Variants in SMURF2 observed in about 807,000 individuals in gnomAD.
The protein encoded by SMURF2 is E3 ubiquitin-protein ligase SMURF2.
In SMURF2, 48 loss-of-function variants were observed where a neutral mutation model predicts 109.6. That is an observed-to-expected ratio of 0.44 (90% CI 0.35 to 0.56). The LOEUF is 0.56. Ranked by LOEUF, SMURF2 falls within the 20% of genes least tolerant of loss-of-function variation. The pLI is 0.01. For missense variants in SMURF2, 575 were observed against 909.0 expected (o/e 0.63, Z 4.72); for synonymous variants, 288 against 317.1 (o/e 0.91, Z 0.97).
intron 1 of SMURF2, among the ~76,000 whole-genome samples, chr17:64,654,596 G>T (rs866210162): frequency 6.6e-6 from 1 of 152,062 alleles, no homozygotes; most frequent in Non-Finnish European, 1.5e-5. Context: ...TTGGGAGGCC[G>T]AGGCAAGCGG....
chr17:64,631,060 G>C (rs79223635), intron 1 of SMURF2, among the ~76,000 whole-genome samples: 3,550 of 151,736 alleles, frequency 0.023, 154 homozygotes, highest in African/African-American at 0.082. Context: ...CCAGCACTCT[G>C]GGAGGCCAAC....
chr17:64,558,567 T>C (rs1021460949), intron 12 of SMURF2, among the ~76,000 whole-genome samples: 5 of 152,228 alleles, frequency 3.3e-5, no homozygotes, highest in African/African-American at 1.2e-4. Context: ...ATTCACTGTA[T>C]AAACCCTGAA....
intron 1 of SMURF2, among the ~76,000 whole-genome samples, chr17:64,637,859 C>T (rs527679349): frequency 1.0e-4 from 15 of 148,486 alleles, no homozygotes; most frequent in African/African-American, 3.0e-4. Context: ...CCACAGAACC[C>T]GGTCCCAATG....
chr17:64,613,979 G>C (rs553011526), intron 1 of SMURF2, among the ~76,000 whole-genome samples: 3 of 152,074 alleles, frequency 2.0e-5, no homozygotes, highest in African/African-American at 4.8e-5. Flanking sequence ...TTCTTATAAG[G>C]AGGGGCAACC....
In SMURF2 at chr17:64,547,487, G is replaced by T; in HGVS notation, c.2071+113C>A. On this transcript the variant is annotated intron_variant, in intron 17 of 18. Coordinates refer to ENST00000262435, the MANE Select transcript of SMURF2 (RefSeq NM_022739.4). This position sits in a 1 kb window ranked among gnomAD's most constrained non-coding sequence, Gnocchi z 4.2. ...ATCACAATGTGAGAGTCACAGATAA[G>T]AAGTGAAAAAGAGAATCTCTAAGCA... The T allele has an allele frequency of 1.2e-6, 1 of 841,666 alleles. No homozygotes were observed. 52.1% of individuals were successfully genotyped at this position (841,666 alleles called of 1,614,324 possible).
At chr17:64,557,856 A>G in intron 12 of SMURF2, 134 bp from the exon 13 acceptor site, 2 of 543,110 alleles carry the variant, frequency 3.7e-6, no homozygotes, top group East Asian at 3.0e-5. Flanking sequence ...CTACAGTTAT[A>G]TAAGATCACA....
At chr17:64,617,779 A>T (rs1172763386) in intron 1 of SMURF2, among the ~76,000 whole-genome samples, 1 of 152,160 alleles carries the variant, frequency 6.6e-6, no homozygotes, top group Non-Finnish European at 1.5e-5. Context: ...TCAGTTAACA[A>T]ATTTAAAATG....
chr17:64,546,617 C>T (rs1220422165), intron 17 of SMURF2, among the ~76,000 whole-genome samples: 1 of 152,120 alleles, frequency 6.6e-6, no homozygotes, highest in Admixed American at 6.6e-5. Context: ...TATAGAAAGT[C>T]AATATCCCAA....
At chr17:64,625,892 C>A (rs998118720) in intron 1 of SMURF2, among the ~76,000 whole-genome samples, 45 of 152,260 alleles carry the variant, frequency 3.0e-4, no homozygotes, top group African/African-American at 1.1e-3. Flanking sequence ...TGTACTTAGA[C>A]AATACACACA....
At chr17:64,600,132 A>T (rs1411983846) in intron 2 of SMURF2, among the ~76,000 whole-genome samples, 1 of 152,160 alleles carries the variant, frequency 6.6e-6, no homozygotes, top group Non-Finnish European at 1.5e-5. Context: ...CAGACCATAT[A>T]TGAAGCTGTT....
intron 1 of SMURF2, among the ~76,000 whole-genome samples, chr17:64,652,726 G>A (rs1397795761): frequency 1.3e-5 from 2 of 152,080 alleles, no homozygotes; most frequent in Non-Finnish European, 2.9e-5. Context: ...CCTCATGTGA[G>A]CCTCCTGCCT....
chr17:64,655,118 A>G (rs1274123379), intron 1 of SMURF2, among the ~76,000 whole-genome samples: 1 of 152,104 alleles, frequency 6.6e-6, no homozygotes, highest in African/African-American at 2.4e-5. Flanking sequence ...TTATAAAGCT[A>G]TCCTGAACAA....
chr17:64,623,504 T>C (rs1054316166), intron 1 of SMURF2, among the ~76,000 whole-genome samples: 2 of 152,230 alleles, frequency 1.3e-5, no homozygotes, highest in Admixed American at 6.5e-5. Flanking sequence ...ATTCACTGCA[T>C]TGTTTTACAG....
At chr17:64,553,334 A>C (rs1328233481) in intron 15 of SMURF2, among the ~76,000 whole-genome samples, 1 of 151,864 alleles carries the variant, frequency 6.6e-6, no homozygotes, top group Non-Finnish European at 1.5e-5. Flanking sequence ...GTGAAACCCC[A>C]TCTCTGCTAA....
intron 1 of SMURF2, among the ~76,000 whole-genome samples, chr17:64,641,746 G>C (rs1555692574): frequency 6.6e-6 from 1 of 152,054 alleles, no homozygotes; most frequent in African/African-American, 2.4e-5. Flanking sequence ...GCCACCATCT[G>C]AATAAACACA....
chr17:64,621,490 G>A lies in SMURF2; in HGVS notation c.53-14850C>T, dbSNP rs577927941. ...AGCTACTCAGGAGGCTGAGGCAGGA[G>A]AATCGCTTGAATCCAGGGGGCAGAG... On this transcript the variant is annotated intron_variant, in intron 1 of 18. Coordinates refer to ENST00000262435, the MANE Select transcript of SMURF2 (RefSeq NM_022739.4). Among the ~76,000 whole-genome samples the A allele has an allele frequency of 2.6e-5, 4 of 152,184 alleles. No individual in the cohort carries two copies. In the East Asian group the frequency reaches 5.8e-4, roughly 22 times the overall value.
chr17:64,606,314 A>G (rs1213975396), intron 2 of SMURF2, among the ~76,000 whole-genome samples: 1 of 152,230 alleles, frequency 6.6e-6, no homozygotes, highest in African/African-American at 2.4e-5. Context: ...CTCTAGTAGT[A>G]TGCACACCTT....
At chr17:64,591,433 A>C (rs550965307) in intron 4 of SMURF2, among the ~76,000 whole-genome samples, 1 of 152,184 alleles carries the variant, frequency 6.6e-6, no homozygotes, top group African/African-American at 2.4e-5. Flanking sequence ...GTGAATCCTC[A>C]TATTTTTTTG....
intron 1 of SMURF2, among the ~76,000 whole-genome samples, chr17:64,607,996 C>CATAAGTAA (rs1555689209): frequency 1.5e-5 from 2 of 135,642 alleles, no homozygotes; most frequent in Non-Finnish European, 3.1e-5. Flanking sequence ...AAGACTCTGT[C>CATAAGTAA]ATAAATAAAT....
Sources: allele counts gnomAD v4.1 joint callset (sites outside exome capture counted in the v4.1 genomes callset), GRCh38; gene constraint gnomAD v4.1.1; non-coding constraint Gnocchi (gnomAD v3.1); transcripts MANE v1.5; gene names NCBI Gene and HGNC (gene_info 2026-07-23, HGNC 2026-07-21).